The following FGF13 variants were observed in gnomAD, a reference collection of about 807,000 sequenced individuals.
FGF13 encodes the protein fibroblast growth factor homologous factor 2.
In FGF13, 2 loss-of-function variants were observed where a neutral mutation model predicts 19.5. That is an observed-to-expected ratio of 0.10 (90% CI 0.04 to 0.32). FGF13 has a LOEUF of 0.32. FGF13 is among the 10% of genes least tolerant of loss of function. The pLI, the probability that FGF13 is intolerant of heterozygous loss-of-function variation, is 1.00. For missense variants in FGF13, 113 were observed against 192.7 expected (o/e 0.59, Z 2.45); for synonymous variants, 72 against 76.9 (o/e 0.94, Z 0.33).
intron 1 of FGF13, among the ~76,000 whole-genome samples, chrX:139,084,266 GGAAGA>G (rs776122216): frequency 2.7e-5 from 3 of 111,003 alleles, no homozygotes; most frequent in Non-Finnish European, 5.7e-5. Context: ...AAAATGAGAA[GGAAGA>G]GAAATCGTTC....
intron 3 of FGF13, among the ~76,000 whole-genome samples, chrX:138,671,162 C>T (rs1240854793): frequency 9.0e-6 from 1 of 111,182 alleles, no homozygotes; most frequent in Non-Finnish European, 1.9e-5. Flanking sequence ...ACTCACAATG[C>T]TCCCTAGCAA....
At chrX:138,647,220 A>T (rs776094599) in intron 3 of FGF13, among the ~76,000 whole-genome samples, 1 of 81,293 alleles carries the variant, frequency 1.2e-5, no homozygotes, top group African/African-American at 5.1e-5. Flanking sequence ...ATCTCTGGGG[A>T]AAAAAAAAAA....
At chrX:138,953,879 CAT>C (rs1430155159) in intron 1 of FGF13, among the ~76,000 whole-genome samples, 1 of 109,468 alleles carries the variant, frequency 9.1e-6, no homozygotes, top group Non-Finnish European at 1.9e-5. Context: ...AACTAACCAA[CAT>C]GTGGTAAAAA....
chrX:139,137,955 C>A (rs937263500), intron 1 of FGF13, among the ~76,000 whole-genome samples: 2 of 112,028 alleles, frequency 1.8e-5, no homozygotes, highest in Admixed American at 9.4e-5. Flanking sequence ...CAGACAGAGT[C>A]CAGAGTAATG....
chrX:138,676,351 A>G (rs780209526), intron 3 of FGF13, among the ~76,000 whole-genome samples: 11 of 111,571 alleles, frequency 9.9e-5, no homozygotes, highest in Admixed American at 8.5e-4. Flanking sequence ...GGTACAGGCT[A>G]AGTTTAGGGG....
At chrX:138,928,857 T>C (rs1373666789) in intron 1 of FGF13, among the ~76,000 whole-genome samples, 1 of 111,617 alleles carries the variant, frequency 9.0e-6, no homozygotes, top group Non-Finnish European at 1.9e-5. Context: ...CCACCATATC[T>C]TTCCAGTTTT....
chrX:138,990,639 C>T (rs898394247), intron 1 of FGF13: 5 of 110,884 alleles, frequency 4.5e-5, no homozygotes, highest in Non-Finnish European at 9.4e-5. Context: ...ACCATCAGAT[C>T]TCGTGAGACC....
rs777871508 is a variant in FGF13 at position 138,635,440 on chromosome X, C to T, written c.601+17G>A. 64 of 1,191,452 alleles carry T rather than the reference C, an allele frequency of 5.4e-5. No homozygotes were observed. The East Asian group carries it at 1.5e-3, about 28-fold the overall frequency. ...ATTTAGTAGCATAATCCATAGTTCC[C>T]ACAATATCAAATGTACCTTTCAGTG... On this transcript the variant is annotated intron_variant, in intron 4 of 4. Transcript: ENST00000315930.
chrX:139,158,514 G>A (rs2083999880), intron 1 of FGF13, among the ~76,000 whole-genome samples: 1 of 111,165 alleles, frequency 9.0e-6, no homozygotes, highest in East Asian at 2.9e-4. Flanking sequence ...ACTGGGCGGA[G>A]CCAGGTACAG....
intron 1 of FGF13, among the ~76,000 whole-genome samples, chrX:139,032,585 G>GA (rs1279339160): frequency 9.0e-6 from 1 of 111,029 alleles, no homozygotes; most frequent in Non-Finnish European, 1.9e-5. Context: ...GAAGGAAAGA[G>GA]AAAAAACCCC....
At chrX:139,147,068 G>A (rs1291480770) in intron 1 of FGF13, among the ~76,000 whole-genome samples, 6 of 109,702 alleles carry the variant, frequency 5.5e-5, no homozygotes, top group Non-Finnish European at 1.1e-4. Context: ...GTATACATAT[G>A]TAACAAACCT....
intron 1 of FGF13, among the ~76,000 whole-genome samples, chrX:138,906,382 A>G (rs1253697365): frequency 8.9e-6 from 1 of 112,122 alleles, no homozygotes; most frequent in African/African-American, 3.2e-5. Flanking sequence ...ATTCATTCAC[A>G]TGTTCATTCA....
intron 1 of FGF13, among the ~76,000 whole-genome samples, chrX:139,103,002 G>T (rs746006081): frequency 1.4e-4 from 16 of 112,597 alleles, no homozygotes; most frequent in African/African-American, 5.2e-4. Context: ...GGGAGATAAG[G>T]CAGGGTAAGG....
At chrX:139,069,712 G>A (rs1171743392) in intron 1 of FGF13, among the ~76,000 whole-genome samples, 4 of 111,783 alleles carry the variant, frequency 3.6e-5, no homozygotes, top group Non-Finnish European at 7.5e-5. Flanking sequence ...GAGGCATCAC[G>A]CTACGTGACT....
chrX:139,152,153 T>G (rs983128201), intron 1 of FGF13, among the ~76,000 whole-genome samples: 3 of 109,807 alleles, frequency 2.7e-5, no homozygotes, highest in Non-Finnish European at 5.7e-5. Flanking sequence ...TCCCTGAAGA[T>G]GGAAAACACA....
At chrX:138,778,675 G>A (rs1022579010) in intron 3 of FGF13, among the ~76,000 whole-genome samples, 1 of 112,048 alleles carries the variant, frequency 8.9e-6, no homozygotes, top group Non-Finnish European at 1.9e-5. Context: ...TAGGCCCACG[G>A]AGTCTCGCTG....
At chrX:139,016,009 A>C (rs924149827) in intron 1 of FGF13, among the ~76,000 whole-genome samples, 29 of 111,578 alleles carry the variant, frequency 2.6e-4, no homozygotes, top group African/African-American at 8.8e-4. Context: ...ATCCATATGC[A>C]AAAGAATGAA....
chrX:138,710,909 C>T lies in FGF13; in HGVS notation c.95G>A (p.Ser32Asn). ...SNACKCVSSPSKGKTSCDKNK... is the reference protein window; with the variant it reads ...SNACKCVSSPNKGKTSCDKNK... ...TTTGTCGCAGCTGGTCTTGCCTTTG[C>T]TGGGGCTGCTGACACACTTGCAGGC... The change falls in exon 1 of 5, where the codon AGC (serine) becomes AAC (asparagine). Residue 32 changes from serine (S) to asparagine (N), a missense_variant. Around this residue, in one of 4 missense-constraint regions of FGF13, gnomAD observed 51 missense variants for 78.5 expected, o/e 0.65. Transcript: ENST00000315930. The T allele has an allele frequency of 8.2e-7, 1 of 1,212,338 alleles. No individual in the cohort carries two copies. The highest frequency in any genetic ancestry group is 1.1e-6 in the Non-Finnish European group (1 of 895,679).
At chrX:139,040,356 A>G (rs1457592419) in intron 1 of FGF13, among the ~76,000 whole-genome samples, 1 of 112,014 alleles carries the variant, frequency 8.9e-6, no homozygotes, top group Non-Finnish European at 1.9e-5. Context: ...AAAATAAGGA[A>G]TTGTGTTTCA....
Sources: allele counts gnomAD v4.1 joint callset (sites outside exome capture counted in the v4.1 genomes callset), GRCh38; gene constraint gnomAD v4.1.1; regional missense constraint gnomAD v4.1.1; transcripts MANE v1.5; gene names NCBI Gene and HGNC (gene_info 2026-07-23, HGNC 2026-07-21).